The following ANKS1B variants were observed in gnomAD, a reference collection of about 807,000 sequenced individuals.
The protein encoded by ANKS1B is ankyrin repeat and sterile alpha motif domain-containing protein 1B.
Under a neutral mutation model 148.3 loss-of-function variants are expected in ANKS1B, and 36 were observed. The observed-to-expected ratio is 0.24, with a 90% CI of 0.19 to 0.32. The LOEUF (loss-of-function observed/expected upper bound fraction) is 0.32, where lower values mean the gene tolerates loss of function less well. ANKS1B is among the 10% of genes least tolerant of loss of function. The pLI is 1.00. For missense variants in ANKS1B, 1,157 were observed against 1,542.6 expected (o/e 0.75, Z 4.19); for synonymous variants, 542 against 560.8 (o/e 0.97, Z 0.47).
intron 17 of ANKS1B, among the ~76,000 whole-genome samples, chr12:98,898,316 A>G (rs184469951): frequency 1.3e-5 from 2 of 152,346 alleles, no homozygotes; most frequent in African/African-American, 4.8e-5. Context: ...ATATTAAAAC[A>G]TAAAGATCTT....
At chr12:99,443,940 G>T (rs951263445) in intron 10 of ANKS1B, 131 bp from the exon 11 acceptor site, 4 of 1,043,454 alleles carry the variant, frequency 3.8e-6, no homozygotes, top group Non-Finnish European at 5.6e-6. Flanking sequence ...TCATAATGAG[G>T]AATATGCTCA....
chr12:98,802,278 T>C (rs2099010056), intron 20 of ANKS1B, among the ~76,000 whole-genome samples: 1 of 152,196 alleles, frequency 6.6e-6, no homozygotes, highest in African/African-American at 2.4e-5. Context: ...TGCTAGAAAG[T>C]GTGTTGACAC....
At chr12:99,260,136 T>C (rs1356073110) in intron 12 of ANKS1B, among the ~76,000 whole-genome samples, 3 of 152,312 alleles carry the variant, frequency 2.0e-5, no homozygotes. Flanking sequence ...GTTTAACTTA[T>C]TTTAATAACT....
At chr12:99,367,424 T>C (rs1462705288) in intron 12 of ANKS1B, among the ~76,000 whole-genome samples, 4 of 152,166 alleles carry the variant, frequency 2.6e-5, no homozygotes, top group Admixed American at 2.0e-4. Context: ...AGCTACACAT[T>C]ACTGATGGAA....
chr12:99,335,237 T>C (rs2088555252), intron 12 of ANKS1B, among the ~76,000 whole-genome samples: 1 of 151,998 alleles, frequency 6.6e-6, no homozygotes, highest in African/African-American at 2.4e-5. Context: ...ACATAGTAGA[T>C]GTATATATTT....
chr12:99,180,736 T>A (rs2079015852), intron 14 of ANKS1B, among the ~76,000 whole-genome samples: 1 of 151,670 alleles, frequency 6.6e-6, no homozygotes, highest in Non-Finnish European at 1.5e-5. Context: ...GTTATGAGTC[T>A]CAGGGGTCCA....
intron 16 of ANKS1B, among the ~76,000 whole-genome samples, chr12:99,055,557 C>T (rs768775142): frequency 6.8e-6 from 1 of 147,272 alleles, no homozygotes; most frequent in East Asian, 2.0e-4. Context: ...TGTTGATGGT[C>T]GGTGGTGGCC....
intron 16 of ANKS1B, among the ~76,000 whole-genome samples, chr12:99,076,063 C>T (rs1259372381): frequency 6.6e-6 from 1 of 151,814 alleles, no homozygotes; most frequent in Non-Finnish European, 1.5e-5. Flanking sequence ...TTACTGTAAC[C>T]CTAGTGCTAA....
intron 10 of ANKS1B, among the ~76,000 whole-genome samples, chr12:99,494,547 C>T (rs2096584592): frequency 6.6e-6 from 1 of 151,798 alleles, no homozygotes; most frequent in Non-Finnish European, 1.5e-5. Flanking sequence ...TCCTGGCTAA[C>T]ACGGAGAAAC....
intron 10 of ANKS1B, among the ~76,000 whole-genome samples, chr12:99,478,192 GC>G (rs1311294499): frequency 6.6e-6 from 1 of 152,118 alleles, no homozygotes; most frequent in Non-Finnish European, 1.5e-5. Context: ...TCAGGGTCCA[GC>G]TCTTTCATAG....
chr12:98,808,095 T>G (rs963223754), intron 19 of ANKS1B, among the ~76,000 whole-genome samples, 177 bp from the exon 20 acceptor site: 1 of 152,254 alleles, frequency 6.6e-6, no homozygotes, highest in African/African-American at 2.4e-5. Context: ...AGTCATTCTT[T>G]TTGCTTTAAA....
intron 12 of ANKS1B, among the ~76,000 whole-genome samples, chr12:99,358,225 G>A (rs1196966145): frequency 2.0e-5 from 3 of 151,780 alleles, no homozygotes; most frequent in African/African-American, 7.3e-5. Context: ...TTTATAATTA[G>A]TTGCATGATT....
intron 19 of ANKS1B, among the ~76,000 whole-genome samples, chr12:98,815,413 G>A (rs1199511757): frequency 2.0e-5 from 3 of 152,042 alleles, no homozygotes; most frequent in East Asian, 3.9e-4. Flanking sequence ...CCTGTTATCT[G>A]AGCATCCCTG....
chr12:99,734,777 G>A (rs1445989894), intron 8 of ANKS1B, among the ~76,000 whole-genome samples: 1 of 152,130 alleles, frequency 6.6e-6, no homozygotes, highest in African/African-American at 2.4e-5. Flanking sequence ...CCCCTTCTGT[G>A]AACTTTACCA....
At chr12:99,390,320 G>A (rs2152544882) in intron 12 of ANKS1B, among the ~76,000 whole-genome samples, 1 of 152,228 alleles carries the variant, frequency 6.6e-6, no homozygotes, top group South Asian at 2.1e-4. Flanking sequence ...GGGCTGGACA[G>A]GGTACCTAAT....
intron 26 of ANKS1B, 97 bp from the exon 27 acceptor site, chr12:98,745,946 C>T: frequency 1.5e-6 from 2 of 1,350,176 alleles, no homozygotes; most frequent in Non-Finnish European, 2.0e-6. Flanking sequence ...GGCCCCTCGC[C>T]CCAGGCGCGG....
intron 17 of ANKS1B, among the ~76,000 whole-genome samples, chr12:98,920,558 A>G (rs2152903813): frequency 6.6e-6 from 1 of 152,318 alleles, no homozygotes; most frequent in African/African-American, 2.4e-5. Flanking sequence ...TAAAGCCATC[A>G]GATCTTGTGA....
intron 4 of ANKS1B, among the ~76,000 whole-genome samples, chr12:99,803,305 C>CA (rs1296603366): frequency 0.029 from 2,752 of 96,376 alleles, 125 homozygotes; most frequent in African/African-American, 0.093. Flanking sequence ...GCAATGAGAC[C>CA]AAAAAAAAAA....
At chr12:99,773,221 T>A in intron 7 of ANKS1B, 133 bp from the exon 8 acceptor site, 1 of 652,514 alleles carries the variant, frequency 1.5e-6, no homozygotes. Context: ...ACTATTCTGC[T>A]GAAAACAAGG....
Sources: gnomAD v4.1 joint callset for allele counts (sites outside exome capture counted in the v4.1 genomes callset) on GRCh38, gnomAD v4.1.1 for gene constraint, MANE v1.5 for transcripts, NCBI Gene and HGNC (gene_info 2026-07-23, HGNC 2026-07-21) for gene names.